ANO2: variants seen among roughly 807,000 people sequenced by gnomAD.
ANO2 encodes anoctamin 2.
Under a neutral mutation model 124.2 loss-of-function variants are expected in ANO2, and 101 were observed. The ratio of observed to expected loss-of-function variants is 0.81; its 90% CI spans 0.69 to 0.96. The LOEUF is 0.96. ANO2 is among the 40% of genes least tolerant of loss of function. The pLI, the probability that ANO2 is intolerant of heterozygous loss-of-function variation, is 0.00. For missense variants in ANO2, 1,293 were observed against 1,274.5 expected (o/e 1.01, Z -0.22); for synonymous variants, 486 against 482.5 (o/e 1.01, Z -0.09).
intron 17 of ANO2, among the ~76,000 whole-genome samples, chr12:5,614,496 C>T (rs558453670): frequency 9.2e-5 from 14 of 152,334 alleles, no homozygotes; most frequent in African/African-American, 3.4e-4. Flanking sequence ...GATAGAATCA[C>T]AATCCAGTGT....
intron 3 of ANO2, among the ~76,000 whole-genome samples, chr12:5,875,252 C>T (rs953404527): frequency 6.6e-6 from 1 of 152,214 alleles, no homozygotes; most frequent in Admixed American, 6.5e-5. Flanking sequence ...TCACGTCTCA[C>T]AACCTAAGGA....
chr12:5,706,305 A>G (rs1565590631), intron 14 of ANO2, among the ~76,000 whole-genome samples: 1 of 152,102 alleles, frequency 6.6e-6, no homozygotes, highest in Non-Finnish European at 1.5e-5. Flanking sequence ...ATGAGGCCCT[A>G]CATGACCCTG....
intron 16 of ANO2, among the ~76,000 whole-genome samples, chr12:5,620,532 G>A (rs569555634): frequency 6.6e-6 from 1 of 151,958 alleles, no homozygotes; most frequent in African/African-American, 2.4e-5. Flanking sequence ...ATTCTATAGG[G>A]GCTAAATTGG....
chr12:5,930,157 C>T (rs35097891), intron 1 of ANO2, among the ~76,000 whole-genome samples: 9,232 of 143,786 alleles, frequency 0.064, 703 homozygotes, highest in South Asian at 0.094. Context: ...TTTCCTCACT[C>T]GTCTGCCTTC....
chr12:5,923,184 ATACACACACACG>A (rs1941874788), intron 1 of ANO2, among the ~76,000 whole-genome samples: 1 of 63,892 alleles, frequency 1.6e-5, no homozygotes, highest in Admixed American at 1.8e-4. Flanking sequence ...GCACACACAC[ATACACACACACG>A]CACGCACACA....
At chr12:5,912,022 T>C (rs976009500) in intron 3 of ANO2, among the ~76,000 whole-genome samples, 1 of 152,204 alleles carries the variant, frequency 6.6e-6, no homozygotes, top group African/African-American at 2.4e-5. Flanking sequence ...TAGCATCTGG[T>C]ACTGCAGTTT....
intron 3 of ANO2, among the ~76,000 whole-genome samples, chr12:5,874,419 G>T (rs1204361063): frequency 6.6e-6 from 1 of 152,202 alleles, no homozygotes; most frequent in Non-Finnish European, 1.5e-5. Context: ...GAGGAACCCT[G>T]AGGGCCTTCC....
chr12:5,903,568 C>G (rs1358510114), intron 3 of ANO2, among the ~76,000 whole-genome samples: 4 of 152,052 alleles, frequency 2.6e-5, no homozygotes, highest in Non-Finnish European at 5.9e-5. Context: ...TACACCAGAA[C>G]CTTCTTCTTC....
At chr12:5,806,246 A>T (rs1222687657) in intron 8 of ANO2, among the ~76,000 whole-genome samples, 153 bp from the exon 9 acceptor site, 1 of 152,108 alleles carries the variant, frequency 6.6e-6, no homozygotes, top group African/African-American at 2.4e-5. Context: ...TAAGGGGCTG[A>T]TATTCCATTT....
intron 20 of ANO2, among the ~76,000 whole-genome samples, chr12:5,591,411 CAAT>C (rs2136868500): frequency 6.6e-6 from 1 of 152,288 alleles, no homozygotes; most frequent in Admixed American, 6.5e-5. Context: ...GCAGAGCAGA[CAAT>C]GATTTGTGAC....
chr12:5,926,953 A>G (rs1591803618), intron 1 of ANO2, among the ~76,000 whole-genome samples: 1 of 152,212 alleles, frequency 6.6e-6, no homozygotes, highest in East Asian at 1.9e-4. Flanking sequence ...TGATACAGTA[A>G]GAGAAAAGAT....
intron 13 of ANO2, among the ~76,000 whole-genome samples, chr12:5,734,254 G>A (rs533308241): frequency 2.0e-5 from 3 of 152,368 alleles, no homozygotes; most frequent in African/African-American, 7.2e-5. Context: ...TTCCCGCAGA[G>A]CAACTTTTGC....
chr12:5,631,998 C>G (rs1945742275), intron 16 of ANO2, among the ~76,000 whole-genome samples: 1 of 152,072 alleles, frequency 6.6e-6, no homozygotes. Context: ...AGGCGTTAGG[C>G]TGTGAAAACC....
At chr12:5,923,133 TAC>T (rs10625843) in intron 1 of ANO2, among the ~76,000 whole-genome samples, 64 of 5,184 alleles carry the variant, frequency 0.012, 11 homozygotes, top group Non-Finnish European at 0.049. Context: ...CACACCCACA[TAC>T]ACACACATGC....
At chr12:5,912,896 T>G (rs1411626256) in intron 3 of ANO2, among the ~76,000 whole-genome samples, 2 of 152,212 alleles carry the variant, frequency 1.3e-5, no homozygotes, top group Non-Finnish European at 2.9e-5. Flanking sequence ...GCGTCACGAA[T>G]AAACAGTAGA....
chr12:5,739,494 T>C (rs1951009193), intron 12 of ANO2, 95 bp from the exon 13 acceptor site: 1 of 1,054,032 alleles, frequency 9.5e-7, no homozygotes, highest in East Asian at 2.6e-5. Flanking sequence ...GGATAAGCTA[T>C]TTTAAATTTA....
chr12:5,847,443 CTCTGTGTG>C (rs1954716994), intron 4 of ANO2, among the ~76,000 whole-genome samples: 1 of 82,402 alleles, frequency 1.2e-5, no homozygotes, highest in African/African-American at 4.2e-5. Context: ...CTCATAACAC[CTCTGTGTG>C]TGTGTGTGTG....
At chr12:5,724,590 T>C (rs1010820215) in intron 14 of ANO2, among the ~76,000 whole-genome samples, 8 of 152,256 alleles carry the variant, frequency 5.3e-5, no homozygotes, top group African/African-American at 1.4e-4. Context: ...TGTTTGTTTA[T>C]TGTGCCTGCC....
At chr12:5,799,651 A>AT in intron 9 of ANO2, 80 bp from the exon 10 acceptor site, 1 of 1,277,054 alleles carries the variant, frequency 7.8e-7, no homozygotes. Context: ...AACAAGTCAG[A>AT]TTTTTATCCC....
Sources: gnomAD v4.1 joint callset for allele counts (sites outside exome capture counted in the v4.1 genomes callset) on GRCh38, gnomAD v4.1.1 for gene constraint, MANE v1.5 for transcripts, NCBI Gene and HGNC (gene_info 2026-07-23, HGNC 2026-07-21) for gene names.